PLXNC1: variants seen among roughly 807,000 people sequenced by gnomAD.
PLXNC1 encodes the protein plexin-C1.
PLXNC1 carries 75 observed loss-of-function variants against 178.2 expected under a neutral mutation model. The observed-to-expected ratio is 0.42, with a 90% CI of 0.35 to 0.51. The LOEUF (loss-of-function observed/expected upper bound fraction) is 0.51. Among genes scored for constraint, PLXNC1 ranks in the 20% least tolerant of loss-of-function variants. PLXNC1 has a pLI of 0.02. For missense variants in PLXNC1, 1,503 were observed against 1,984.4 expected, an observed-to-expected ratio of 0.76 and a Z score of 4.61; for synonymous variants, 790 against 779.9, an observed-to-expected ratio of 1.01 and a Z score of -0.22.
At chr12:94,175,661 G>A (rs1051220456) in intron 2 of PLXNC1, among the ~76,000 whole-genome samples, 2 of 152,224 alleles carry the variant, frequency 1.3e-5, no homozygotes, top group Non-Finnish European at 2.9e-5. Context: ...TTCTACACAG[G>A]CTTCAGCTGG....
chr12:94,248,211 A>AT lies in PLXNC1; in HGVS notation c.2593-12dup. On this transcript the variant is annotated splice_polypyrimidine_tract_variant and intron_variant, in intron 13 of 30. Coordinates refer to ENST00000258526, the MANE Select transcript of PLXNC1 (RefSeq NM_005761.3). ...CATGTGCTCTGATTTCTCCATCTTC[A>AT]TTTTGTTCTTTACAGAAAGAAAATG... 2 of 1,605,640 alleles carry AT rather than the reference A, an allele frequency of 1.2e-6. No individual in the cohort carries two copies. Among genetic ancestry groups the AT allele is most frequent in the Non-Finnish European group, 1.7e-6 (2 of 1,174,916 alleles).
At chr12:94,175,262 A>G (rs1281013411) in intron 2 of PLXNC1, among the ~76,000 whole-genome samples, 1 of 152,154 alleles carries the variant, frequency 6.6e-6, no homozygotes, top group Non-Finnish European at 1.5e-5. Context: ...TAATAAATGA[A>G]AGGGTTGGCT....
intron 4 of PLXNC1, among the ~76,000 whole-genome samples, chr12:94,192,922 A>G (rs1592750951): frequency 6.6e-6 from 1 of 152,208 alleles, no homozygotes; most frequent in African/African-American, 2.4e-5. Context: ...AGATAAATGA[A>G]TAGAGTGTCA....
At chr12:94,187,400 GC>G (rs1458195575) in intron 4 of PLXNC1, among the ~76,000 whole-genome samples, 1 of 152,130 alleles carries the variant, frequency 6.6e-6, no homozygotes, top group East Asian at 1.9e-4. Context: ...TGCAATACAA[GC>G]AAGAGGTTTA....
Position 94,226,512 on chromosome 12 carries a change from T to C in PLXNC1, c.1791-93T>C, listed in dbSNP as rs1480219772. On this transcript the variant is annotated intron_variant, in intron 7 of 30. Transcript: ENST00000258526. ...GATTTTTTTTTTTTTTTGCCTTCTTTTAAATGCTTGCATGCCACATCACAG... is the reference window on the plus strand; with the variant it reads ...GATTTTTTTTTTTTTTTGCCTTCTTCTAAATGCTTGCATGCCACATCACAG... 53 of 830,296 alleles carry C rather than the reference T, an allele frequency of 6.4e-5. No individual in the cohort carries two copies. In the East Asian group the frequency reaches 1.4e-3, roughly 21 times the overall value. The allele number at this position is 830,296 out of a possible 1,614,324, so 51.4% of individuals were successfully genotyped here. A position where few individuals can be genotyped will look rare whatever the true frequency, so the allele number is the denominator to read the frequency against.
At chr12:94,156,713 T>TC (rs1041336401) in intron 1 of PLXNC1, among the ~76,000 whole-genome samples, 3 of 150,284 alleles carry the variant, frequency 2.0e-5, no homozygotes, top group African/African-American at 7.3e-5. Flanking sequence ...TCTTTCTTTT[T>TC]TTTTTTTTTT....
chr12:94,268,003 G>A (rs539949399), intron 21 of PLXNC1, among the ~76,000 whole-genome samples: 5 of 152,202 alleles, frequency 3.3e-5, no homozygotes, highest in South Asian at 4.2e-4. Flanking sequence ...CTGGGGAGGT[G>A]GGAGGTTGGG....
At chr12:94,193,725 T>C (rs1962809875) in intron 4 of PLXNC1, among the ~76,000 whole-genome samples, 1 of 152,108 alleles carries the variant, frequency 6.6e-6, no homozygotes, top group South Asian at 2.1e-4. Context: ...GGGTGAGTTA[T>C]TGCATTGAAG....
intron 10 of PLXNC1, among the ~76,000 whole-genome samples, chr12:94,240,228 G>A (rs1261755113): frequency 1.3e-5 from 2 of 152,156 alleles, no homozygotes; most frequent in Non-Finnish European, 2.9e-5. Flanking sequence ...TCAGGGCAAT[G>A]GTTACACCTC....
intron 30 of PLXNC1, 158 bp downstream of exon 30, chr12:94,304,209 C>T (rs1968773198): frequency 1.7e-6 from 1 of 574,284 alleles, no homozygotes; most frequent in Non-Finnish European, 3.1e-6. Context: ...CTGAGCCAGA[C>T]CCTGTACATG....
chr12:94,283,489 T>C (rs957236101), intron 23 of PLXNC1, among the ~76,000 whole-genome samples: 3 of 152,224 alleles, frequency 2.0e-5, no homozygotes, highest in Non-Finnish European at 2.9e-5. Context: ...ACCTTCCCCA[T>C]TGCCTAGACA....
intron 28 of PLXNC1, among the ~76,000 whole-genome samples, chr12:94,301,298 CTT>C (rs1968438132): frequency 6.6e-6 from 1 of 152,174 alleles, no homozygotes; most frequent in African/African-American, 2.4e-5. Flanking sequence ...CTGTGAAAAA[CTT>C]TATCACAAAG....
At chr12:94,165,505 C>T (rs1256764227) in intron 1 of PLXNC1, among the ~76,000 whole-genome samples, 1 of 152,172 alleles carries the variant, frequency 6.6e-6, no homozygotes, top group Non-Finnish European at 1.5e-5. Flanking sequence ...CTGACTGTGG[C>T]CAGGGTCCTC....
chr12:94,197,974 T>C (rs1223795974), intron 4 of PLXNC1, among the ~76,000 whole-genome samples: 10 of 152,120 alleles, frequency 6.6e-5, no homozygotes, highest in Admixed American at 5.2e-4. Flanking sequence ...ATGCATTCAT[T>C]TAACAGGTAT....
chr12:94,306,094 T>C lies in PLXNC1; in HGVS notation c.*809T>C, dbSNP rs754464197. On this transcript the variant is annotated 3_prime_UTR_variant, in exon 31 of 31. Transcript: ENST00000258526. ...TGTTGGATATTATACAAAAAAATCA[T>C]TAATTCATTTCTGTTCCAAAACCTT... 1.3e-5 allele frequency: 2 copies of C among 152,194 alleles called. No individual in the cohort carries two copies. The highest frequency in any genetic ancestry group is 2.9e-5 in the Non-Finnish European group (2 of 68,030). 9.4% of individuals were successfully genotyped at this position (152,194 alleles called of 1,614,324 possible).
Position 94,237,803 on chromosome 12 carries a change from T to C in PLXNC1, c.2120T>C (p.Val707Ala). The change falls in exon 10 of 31, where the codon GTG (valine) becomes GCG (alanine). Residue 707 changes from valine to alanine, a missense_variant and splice_region_variant. This residue lies in a region of PLXNC1 where 615 missense variants were observed against 698.6 expected (regional missense o/e 0.88). Coordinates refer to ENST00000258526, the MANE Select transcript of PLXNC1 (RefSeq NM_005761.3). Reference sequence around the variant, plus strand: ...GGAACCAGTACCTGTGATAAGGATGTGTGAGTCGAAATACTAATAATTTAT... The same window carrying C: ...GGAACCAGTACCTGTGATAAGGATGCGTGAGTCGAAATACTAATAATTTAT... ...LKGTSTCDKDVIQVSHVLNDT... is the reference protein window; with the variant it reads ...LKGTSTCDKDAIQVSHVLNDT... 1 of 1,613,072 alleles carries C rather than the reference T, an allele frequency of 6.2e-7. No homozygotes were observed. Among genetic ancestry groups the C allele is most frequent in the Non-Finnish European group, 8.5e-7 (1 of 1,179,764 alleles).
rs1289255637 is a variant in PLXNC1 at position 94,186,388 on chromosome 12, G to A, written c.1354G>A (p.Val452Ile). Residue 452 changes from valine (V) to isoleucine (I), a missense_variant, in exon 4 of 31, where the codon GTT (valine) becomes ATT (isoleucine). Coordinates refer to ENST00000258526, the MANE Select transcript of PLXNC1 (RefSeq NM_005761.3). Reference protein sequence around the residue: ...TAGKEVRRIRVANCNKHKSCS... With the variant: ...TAGKEVRRIRIANCNKHKSCS... ...TTCCTTTTAGGTGAGGAGAATTCGT[G>A]TTGCAAACTGCAATAAACATAAATC... is the stretch of plus-strand genomic sequence containing the variant. 6.2e-7 allele frequency: 1 copy of A among 1,612,272 alleles called. No homozygotes were observed. The highest frequency in any genetic ancestry group is 1.1e-5 in the South Asian group (1 of 91,054).
chr12:94,273,701 G>C (rs1489484296), intron 21 of PLXNC1, among the ~76,000 whole-genome samples: 2 of 152,144 alleles, frequency 1.3e-5, no homozygotes, highest in East Asian at 3.9e-4. Context: ...GTTCTGATTT[G>C]TATCACCTAC....
At chr12:94,234,762 G>A (rs1964196420) in intron 9 of PLXNC1, among the ~76,000 whole-genome samples, 1 of 152,172 alleles carries the variant, frequency 6.6e-6, no homozygotes, top group African/African-American at 2.4e-5. Context: ...AAATGCATAA[G>A]CTTATAGGGC....
Sources: allele counts gnomAD v4.1 joint callset (sites outside exome capture counted in the v4.1 genomes callset), GRCh38; gene constraint gnomAD v4.1.1; regional missense constraint gnomAD v4.1.1; transcripts MANE v1.5; gene names NCBI Gene and HGNC (gene_info 2026-07-23, HGNC 2026-07-21).